ZNF804B: variants seen among roughly 807,000 people sequenced by gnomAD.
ZNF804B encodes zinc finger protein 804B.
In ZNF804B, 80 loss-of-function variants were observed where a neutral mutation model predicts 101.4. The ratio of observed to expected loss-of-function variants is 0.79; its 90% CI spans 0.66 to 0.95. The LOEUF is 0.95. ZNF804B is among the 40% of genes least tolerant of loss of function. ZNF804B has a pLI of 0.00. For missense variants in ZNF804B, 1,673 were observed against 1,561.9 expected, an observed-to-expected ratio of 1.07 and a Z score of -1.20; for synonymous variants, 622 against 558.8, an observed-to-expected ratio of 1.11 and a Z score of -1.59.
intron 1 of ZNF804B, among the ~76,000 whole-genome samples, chr7:88,905,334 G>A (rs1473457560): frequency 6.6e-6 from 1 of 151,814 alleles, no homozygotes; most frequent in Non-Finnish European, 1.5e-5. Context: ...TTGATGTGCT[G>A]TTGAATACAG....
At position 89,336,080 on chromosome 7, in the gene ZNF804B, T is replaced by C; in HGVS notation, c.3098T>C (p.Leu1033Pro). Reference protein sequence around the residue: ...DNHLSKGIIHLVTESQSLNIK... With the variant: ...DNHLSKGIIHPVTESQSLNIK... ...CATCTTTCTAAAGGTATAATTCACC[T>C]AGTAACAGAGTCTCAGTCACTAAAC... Residue 1033 changes from leucine (L) to proline (P), a missense_variant, in exon 4 of 4, where the codon CTA (leucine) becomes CCA (proline). Coordinates refer to ENST00000333190, the MANE Select transcript of ZNF804B (RefSeq NM_181646.5). 6.2e-7 allele frequency: 1 copy of C among 1,613,996 alleles called. No individual in the cohort carries two copies. Among genetic ancestry groups the C allele is most frequent in the Non-Finnish European group, 8.5e-7 (1 of 1,179,988 alleles).
chr7:89,148,994 T>G (rs1052669098), intron 1 of ZNF804B, among the ~76,000 whole-genome samples: 90 of 152,182 alleles, frequency 5.9e-4, no homozygotes, highest in African/African-American at 2.2e-3. Context: ...ACTCCCTGAG[T>G]TGCTGCCCTG....
chr7:89,158,321 C>A (rs1333689277), intron 1 of ZNF804B, among the ~76,000 whole-genome samples: 1 of 152,136 alleles, frequency 6.6e-6, no homozygotes, highest in South Asian at 2.1e-4. Flanking sequence ...CACTGCCCTC[C>A]GTATAATCTT....
intron 2 of ZNF804B, among the ~76,000 whole-genome samples, chr7:89,230,753 G>T (rs1789180405): frequency 6.9e-6 from 1 of 144,288 alleles, no homozygotes; most frequent in Non-Finnish European, 1.6e-5. Flanking sequence ...AGAAGCTACA[G>T]GCCTTTTCCT....
At chr7:88,891,304 C>A (rs932200338) in intron 1 of ZNF804B, among the ~76,000 whole-genome samples, 3 of 152,046 alleles carry the variant, frequency 2.0e-5, no homozygotes, top group Admixed American at 6.6e-5. Flanking sequence ...CTCTCTCTTT[C>A]TAGTGAATGG....
At chr7:89,293,706 G>T (rs960754091) in intron 2 of ZNF804B, among the ~76,000 whole-genome samples, 1 of 151,882 alleles carries the variant, frequency 6.6e-6, no homozygotes, top group Non-Finnish European at 1.5e-5. Context: ...GGAGAATGGC[G>T]TGAACCCAGG....
intron 1 of ZNF804B, among the ~76,000 whole-genome samples, chr7:88,963,635 C>T (rs1440161333): frequency 1.3e-5 from 2 of 151,212 alleles, no homozygotes; most frequent in South Asian, 4.1e-4. Context: ...TTTGCTATGA[C>T]TCCAAAGATA....
intron 1 of ZNF804B, among the ~76,000 whole-genome samples, chr7:89,094,540 A>AATAT (rs1789941892): frequency 6.6e-6 from 1 of 151,992 alleles, no homozygotes; most frequent in African/African-American, 2.4e-5. Context: ...GGGTACACTC[A>AATAT]CTTTTTTAAA....
chr7:89,116,808 A>C (rs1790318799), intron 1 of ZNF804B, among the ~76,000 whole-genome samples: 1 of 152,216 alleles, frequency 6.6e-6, no homozygotes, highest in African/African-American at 2.4e-5. Context: ...ATTCCACTAG[A>C]GTGCTATATA....
chr7:88,775,630 C>T (rs1790130420), intron 1 of ZNF804B, among the ~76,000 whole-genome samples: 1 of 152,144 alleles, frequency 6.6e-6, no homozygotes, highest in Non-Finnish European at 1.5e-5. Context: ...TGAGTCATCA[C>T]TAATTTAATT....
intron 1 of ZNF804B, among the ~76,000 whole-genome samples, chr7:89,215,844 A>G (rs1788885206): frequency 6.6e-6 from 1 of 151,544 alleles, no homozygotes. Flanking sequence ...AGATCACGCC[A>G]CTGCACTCCA....
chr7:88,780,907 T>C (rs1278418028), intron 1 of ZNF804B, among the ~76,000 whole-genome samples: 1 of 152,208 alleles, frequency 6.6e-6, no homozygotes, highest in Non-Finnish European at 1.5e-5. Context: ...TATGCACTTT[T>C]ACTTATTTTA....
chr7:88,795,377 A>G (rs114444976), intron 1 of ZNF804B, among the ~76,000 whole-genome samples: 414 of 152,202 alleles, frequency 2.7e-3, no homozygotes, highest in African/African-American at 9.6e-3. Flanking sequence ...AGGCTTTTTA[A>G]GTCCTAATTA....
At chr7:88,898,378 G>T (rs1233584605) in intron 1 of ZNF804B, among the ~76,000 whole-genome samples, 4 of 151,850 alleles carry the variant, frequency 2.6e-5, no homozygotes. Context: ...GAGCCACAGC[G>T]CCCGGCCAGT....
intron 3 of ZNF804B, among the ~76,000 whole-genome samples, chr7:89,331,722 C>A (rs549288964): frequency 1.3e-5 from 2 of 151,356 alleles, no homozygotes; most frequent in African/African-American, 2.4e-5. Flanking sequence ...AAAACTGAGT[C>A]AGTAAAATAG....
At chr7:88,790,228 T>G (rs1305469461) in intron 1 of ZNF804B, among the ~76,000 whole-genome samples, 1 of 152,160 alleles carries the variant, frequency 6.6e-6, no homozygotes, top group Non-Finnish European at 1.5e-5. Context: ...GTACTCTTAT[T>G]TAAAATTTTA....
chr7:88,952,840 TG>T (rs1414344181), intron 1 of ZNF804B, among the ~76,000 whole-genome samples: 1 of 151,802 alleles, frequency 6.6e-6, no homozygotes, highest in Admixed American at 6.6e-5. Context: ...CCTCGATTTT[TG>T]TTGGGCTGAG....
At chr7:89,002,620 A>T (rs1485373304) in intron 1 of ZNF804B, among the ~76,000 whole-genome samples, 1 of 151,854 alleles carries the variant, frequency 6.6e-6, no homozygotes, top group Non-Finnish European at 1.5e-5. Context: ...TAGTCATTTT[A>T]TCTACTATCA....
chr7:89,056,138 C>T (rs1424636393), intron 1 of ZNF804B, among the ~76,000 whole-genome samples: 2 of 152,006 alleles, frequency 1.3e-5, no homozygotes, highest in Non-Finnish European at 2.9e-5. Flanking sequence ...ATCAGAGTGC[C>T]AGTCTTTGGG....
Sources: gnomAD v4.1 joint callset for allele counts (sites outside exome capture counted in the v4.1 genomes callset) on GRCh38, gnomAD v4.1.1 for gene constraint, MANE v1.5 for transcripts, NCBI Gene and HGNC (gene_info 2026-07-23, HGNC 2026-07-21) for gene names.